KAT6A: variants seen among roughly 807,000 people sequenced by gnomAD.
The protein encoded by KAT6A is histone acetyltransferase KAT6A.
KAT6A carries 9 observed loss-of-function variants against 198.4 expected under a neutral mutation model. The observed-to-expected ratio is 0.05, with a 90% CI of 0.03 to 0.08. The LOEUF (loss-of-function observed/expected upper bound fraction) is 0.08. Ranked by LOEUF, KAT6A falls within the 10% of genes least tolerant of loss-of-function variation. KAT6A has a pLI of 1.00. For synonymous variants in KAT6A, 890 were observed against 883.0 expected (o/e 1.01, Z -0.14); for missense variants, 2,077 against 2,509.9 (o/e 0.83, Z 3.69).
At chr8:42,041,138 T>C (rs35732087) in intron 2 of KAT6A, among the ~76,000 whole-genome samples, 1 of 142,486 alleles carries the variant, frequency 7.0e-6, no homozygotes, top group Admixed American at 7.6e-5. Context: ...GAGGTTGCAG[T>C]GAGCCAAGGT....
intron 2 of KAT6A, among the ~76,000 whole-genome samples, chr8:42,045,056 G>A (rs757255733): frequency 2.0e-5 from 3 of 152,154 alleles, no homozygotes; most frequent in Admixed American, 6.5e-5. Flanking sequence ...ACTGTATTAC[G>A]ATTTTTAATG....
chr8:42,042,982 C>A (rs1827740160), intron 2 of KAT6A, among the ~76,000 whole-genome samples: 1 of 152,142 alleles, frequency 6.6e-6, no homozygotes, highest in Non-Finnish European at 1.5e-5. Context: ...TGGACCATCA[C>A]AGTCTCAAAT....
Position 42,049,262 on chromosome 8 carries a change from T to C in KAT6A, c.-285A>G. The C allele has an allele frequency of 2.7e-6, 1 of 373,534 alleles. No homozygotes were observed. Among genetic ancestry groups the C allele is most frequent in the Non-Finnish European group, 4.8e-6 (1 of 207,686 alleles). The allele number at this position is 373,534 out of a possible 1,614,324, so 23.1% of individuals were successfully genotyped here. A position where few individuals can be genotyped will look rare whatever the true frequency, so the allele number is the denominator to read the frequency against. ...TAAAGTTGTAAGAACTCAAGAATAT[T>C]TCATTCCCGGCTCCAGAGCAGAAAA... On this transcript the variant is annotated 5_prime_UTR_variant, in exon 2 of 17. Coordinates refer to ENST00000265713, the MANE Select transcript of KAT6A (RefSeq NM_006766.5).
rs185564519 is a variant in KAT6A, at chr8:42,025,730, T to C, written c.600+22648A>G. On this transcript the variant is annotated intron_variant, in intron 2 of 16. Coordinates refer to ENST00000265713, the MANE Select transcript of KAT6A (RefSeq NM_006766.5). The stretch of plus-strand genomic sequence containing the variant: ...TGTCTCTTCATTCTGCTGATTGTTT[T>C]CTTTGTTGGGCAGTAGCTCCTTAGT... 7.7e-4 allele frequency among the ~76,000 whole-genome samples: 117 copies of C among 152,338 alleles called. 1 individual carries two copies. Among genetic ancestry groups the C allele is most frequent in the Admixed American group, 2.7e-3 (42 of 15,300 alleles).
At chr8:41,972,246 T>C (rs932572628) in intron 8 of KAT6A, among the ~76,000 whole-genome samples, 2 of 152,234 alleles carry the variant, frequency 1.3e-5, no homozygotes, top group Non-Finnish European at 1.5e-5. Context: ...AATTAATAAA[T>C]GGCAAAGAAA....
At chr8:41,984,764 G>C (rs1824521835) in intron 3 of KAT6A, among the ~76,000 whole-genome samples, 1 of 152,054 alleles carries the variant, frequency 6.6e-6, no homozygotes, top group Admixed American at 6.6e-5. Context: ...GGATCACGAG[G>C]TCAGGAGATC....
At chr8:41,962,260 G>C in intron 8 of KAT6A, among the ~76,000 whole-genome samples, 1 of 151,936 alleles carries the variant, frequency 6.6e-6, no homozygotes, top group Non-Finnish European at 1.5e-5. Flanking sequence ...GAAAATTTCA[G>C]CCCAGACCTG....
intron 2 of KAT6A, among the ~76,000 whole-genome samples, chr8:41,992,093 T>C (rs957850146): frequency 1.1e-4 from 17 of 151,840 alleles, no homozygotes; most frequent in African/African-American, 4.1e-4. Context: ...CCCAGCTACT[T>C]GAGAGGGTGA....
intron 1 of KAT6A, among the ~76,000 whole-genome samples, chr8:42,050,929 C>G (rs1405511414): frequency 6.6e-6 from 1 of 152,144 alleles, no homozygotes; most frequent in Non-Finnish European, 1.5e-5. Context: ...GAGCGCAACT[C>G]GCTTCCGACA....
chr8:41,955,231 A>G, intron 9 of KAT6A, 65 bp downstream of exon 9: 3 of 982,926 alleles, frequency 3.1e-6, no homozygotes, highest in Non-Finnish European at 4.9e-6. Context: ...CATCTTCAAG[A>G]TCCCTTCCAG....
intron 15 of KAT6A, among the ~76,000 whole-genome samples, chr8:41,939,037 A>C (rs1249998075): frequency 3.3e-5 from 5 of 152,160 alleles, no homozygotes; most frequent in African/African-American, 4.8e-5. Context: ...AAACTGGAAC[A>C]ATCTGAGCAA....
chr8:42,048,637 C>T lies in KAT6A; in HGVS notation c.341G>A (p.Gly114Asp). 1 of 1,614,186 alleles carries T rather than the reference C, an allele frequency of 6.2e-7. No homozygotes were observed. Among genetic ancestry groups the T allele is most frequent in the South Asian group, 1.1e-5 (1 of 91,082 alleles). Residue 114 changes from glycine (G) to aspartate (D), a missense_variant, in exon 2 of 17, where the codon GGT becomes GAT. Gly to Asp is a moderately conservative substitution (Grantham distance 94). This residue lies in a region of KAT6A where 185 missense variants were observed against 185.7 expected (regional missense o/e 1.00). Transcript: ENST00000265713. ...TTCAATGCTTTTCAAAGTTGAGCCACCAGACTCTGCCAAGCCCTCAACTGC... is the reference window on the plus strand; with the variant it reads ...TTCAATGCTTTTCAAAGTTGAGCCATCAGACTCTGCCAAGCCCTCAACTGC... ...KRAVEGLAES[G>D]GSTLKSIERF...
intron 2 of KAT6A, among the ~76,000 whole-genome samples, chr8:42,005,763 TACACACACACACACAC>T (rs142174569): frequency 3.4e-4 from 49 of 142,138 alleles, no homozygotes; most frequent in African/African-American, 1.2e-3. Flanking sequence ...TGCAAGCAAA[TACACACACACACACAC>T]ACACACACAC....
At chr8:41,970,947 T>A (rs1823761199) in intron 8 of KAT6A, among the ~76,000 whole-genome samples, 1 of 152,108 alleles carries the variant, frequency 6.6e-6, no homozygotes, top group South Asian at 2.1e-4. Context: ...CTGGAAATCA[T>A]CATTCTCAGC....
chr8:42,039,486 G>A (rs1464516360), intron 2 of KAT6A, among the ~76,000 whole-genome samples: 2 of 152,118 alleles, frequency 1.3e-5, no homozygotes, highest in Non-Finnish European at 2.9e-5. Context: ...AGATGTTAAG[G>A]AGATTCTTAC....
Position 41,940,016 on chromosome 8 carries a change from TAAAACAAAAC to T in KAT6A, c.3039+816_3039+825del, listed in dbSNP as rs928773042. Among the ~76,000 whole-genome samples the T allele has an allele frequency of 1.6e-4, 24 of 152,326 alleles. No homozygotes were observed. The South Asian group carries it at 1.7e-3, about 11-fold the overall frequency. ...AAAACTGCTCTGAAGATATTATTCT[TAAAACAAAAC>T]AAAACAAAACAAAAGATCCTGTCTT... On this transcript the variant is annotated intron_variant, in intron 15 of 16. Coordinates refer to ENST00000265713, the MANE Select transcript of KAT6A (RefSeq NM_006766.5).
At chr8:41,946,529 C>CACACACAA in intron 12 of KAT6A, 62 bp downstream of exon 12, 2 of 681,864 alleles carry the variant, frequency 2.9e-6, no homozygotes, top group Non-Finnish European at 5.0e-6. Flanking sequence ...CACACACACA[C>CACACACAA]ACACACACAC....
chr8:42,011,797 G>C (rs1341004464), intron 2 of KAT6A, among the ~76,000 whole-genome samples: 3 of 150,784 alleles, frequency 2.0e-5, no homozygotes, highest in Non-Finnish European at 4.4e-5. Flanking sequence ...GAAATATTGA[G>C]GCATACAGAG....
chr8:42,041,209 A>C (rs1827651029), intron 2 of KAT6A, among the ~76,000 whole-genome samples: 1 of 151,902 alleles, frequency 6.6e-6, no homozygotes, highest in South Asian at 2.1e-4. Flanking sequence ...AAAAAAAAAA[A>C]AAAACTGTGC....
Sources: gnomAD v4.1 joint callset for allele counts (sites outside exome capture counted in the v4.1 genomes callset) on GRCh38, gnomAD v4.1.1 for gene constraint, gnomAD v4.1.1 regional missense constraint, MANE v1.5 for transcripts, NCBI Gene and HGNC (gene_info 2026-07-23, HGNC 2026-07-21) for gene names.